Variants in TTN observed in about 807,000 individuals in gnomAD.
TTN encodes connectin.
A neutral mutation model predicts 3,223.0 loss-of-function variants in TTN; 1,525 were observed. The observed-to-expected ratio is 0.47, with a 90% CI of 0.45 to 0.49. The LOEUF (loss-of-function observed/expected upper bound fraction) is 0.49, where lower values mean the gene tolerates loss of function less well. Among genes scored for constraint, TTN ranks in the 20% least tolerant of loss-of-function variants. The pLI is 0.00. For missense variants in TTN, 40,786 were observed against 43,424.0 expected, an observed-to-expected ratio of 0.94 and a Z score of 5.40; for synonymous variants, 14,094 against 15,161.0, an observed-to-expected ratio of 0.93 and a Z score of 5.17.
chr2:178,626,700 G>A (rs1471368228), intron 240 of TTN, among the ~76,000 whole-genome samples: 1 of 151,860 alleles, frequency 6.6e-6, no homozygotes, highest in African/African-American at 2.4e-5. Flanking sequence ...TATGCCCTTG[G>A]AACAGAGCTA....
chr2:178,672,817 CTG>C, intron 152 of TTN, 114 bp from the exon 153 acceptor site: 2 of 811,506 alleles, frequency 2.5e-6, no homozygotes, highest in Non-Finnish European at 3.8e-6. Context: ...AGAAGTCACT[CTG>C]TACTGTGGGA....
intron 226 of TTN, 52 bp from the exon 227 acceptor site, chr2:178,635,767 A>G (rs1189542604): frequency 1.9e-6 from 3 of 1,541,312 alleles, no homozygotes; most frequent in African/African-American, 1.4e-5. Context: ...CAAGTAATAT[A>G]CATAGCTTCC....
rs779588814 is a variant in TTN at position 178,599,418 on chromosome 2, A to G, written c.56375T>C (p.Ile18792Thr). The G allele has an allele frequency of 1.3e-6, 2 of 1,554,374 alleles. No individual in the cohort carries two copies. The highest frequency in any genetic ancestry group is 2.3e-5 in the East Asian group (1 of 44,062). Residue 18792 changes from isoleucine (I) to threonine (T), a missense_variant, in exon 290 of 363, where the codon ATA becomes ACA. By Grantham distance (89) the Ile-to-Thr change is moderately conservative. Transcript: ENST00000589042. Reference protein sequence around the residue: ...LGRPGPPVGPIKFESVSADQM... With the variant: ...LGRPGPPVGPTKFESVSADQM... ...ATCTGCTGAAACAGATTCAAATTTT[A>G]TGGGTCCCACTGGAGGGCCAGGACG... is the stretch of plus-strand genomic sequence containing the variant.
chr2:178,546,994 G>C lies in TTN; in HGVS notation c.94522+9C>G. On this transcript the variant is annotated intron_variant, in intron 340 of 362. Coordinates refer to ENST00000589042, the MANE Select transcript of TTN (RefSeq NM_001267550.2). Reference sequence around the variant, plus strand: ...ATAAACAAATATGCCCTTAAATTGTGATACATACCAACTGGATTTTGAGCC... The same window carrying C: ...ATAAACAAATATGCCCTTAAATTGTCATACATACCAACTGGATTTTGAGCC... 1 of 1,604,144 alleles carries C rather than the reference G, an allele frequency of 6.2e-7. No homozygotes were observed. The highest frequency in any genetic ancestry group is 8.5e-7 in the Non-Finnish European group (1 of 1,173,700).
rs1363645240 is a variant in TTN, at chr2:178,553,416, A to G, written c.89504-20T>C. ...GTGCCTCTGTAGACATAAAATGGAT[A>G]CATACAGTGAATTTTAAAAGCAAAA... On this transcript the variant is annotated intron_variant, in intron 334 of 362. Transcript: ENST00000589042. 1.9e-6 allele frequency: 3 copies of G among 1,574,152 alleles called. No homozygotes were observed.
chr2:178,667,974 C>A (rs1161851486), intron 159 of TTN, among the ~76,000 whole-genome samples: 3 of 152,088 alleles, frequency 2.0e-5, no homozygotes, highest in Non-Finnish European at 2.9e-5. Flanking sequence ...TATAATTCTT[C>A]ATTTTGCCTT....
At chr2:178,750,657 G>T in intron 47 of TTN, 2 of 1,612,678 alleles carry the variant, frequency 1.2e-6, no homozygotes, top group Admixed American at 1.7e-5. Context: ...TCATCAATTC[G>T]TGTAGAAGCA....
chr2:178,745,587 A>C (rs757957164), intron 47 of TTN: 2 of 1,612,272 alleles, frequency 1.2e-6, no homozygotes, highest in Admixed American at 1.7e-5. Context: ...ATTACATTTT[A>C]AGTTAAGGTG....
Position 178,704,283 on chromosome 2 carries a change from T to C in TTN, c.30087A>G (p.Lys10029=). 1 of 1,613,874 alleles carries C rather than the reference T, an allele frequency of 6.2e-7. No homozygotes were observed. The highest frequency in any genetic ancestry group is 8.5e-7 in the Non-Finnish European group (1 of 1,179,862). The change falls in exon 106 of 363, where the codon AAA becomes AAG. Residue 10029 remains lysine (K), a synonymous_variant. Coordinates refer to ENST00000589042, the MANE Select transcript of TTN (RefSeq NM_001267550.2). ...CTTCTGTTTTATGTCTACCTTGGGG[T>C]TTAAGGATTCTGCCATTTCTGAACC... is the stretch of plus-strand genomic sequence containing the variant. ...SEWFRNGRIL[K]PQGRHKTEVE... is the part of the protein sequence containing the mutation.
At chr2:178,806,997 T>C (rs1303637218) in intron 1 of TTN, among the ~76,000 whole-genome samples, 1 of 152,206 alleles carries the variant, frequency 6.6e-6, no homozygotes, top group Non-Finnish European at 1.5e-5. Context: ...ATGGAATCAT[T>C]TAGCTGATAT....
chr2:178,715,328 A>C, intron 89 of TTN, 64 bp from the exon 90 acceptor site: 1 of 1,522,920 alleles, frequency 6.6e-7, no homozygotes, highest in African/African-American at 1.4e-5. Flanking sequence ...AGTAAGAATC[A>C]ATCTTCCACT....
chr2:178,667,652 G>C lies in TTN; in HGVS notation c.35615C>G (p.Pro11872Arg). 1 of 1,596,398 alleles carries C rather than the reference G, an allele frequency of 6.3e-7. No individual in the cohort carries two copies. Among genetic ancestry groups the C allele is most frequent in the Non-Finnish European group, 8.5e-7 (1 of 1,178,762 alleles). The change falls in exon 160 of 363, where the codon CCC becomes CGC. Residue 11872 changes from proline (P) to arginine (R), a missense_variant. Transcript: ENST00000589042. ...GTGTTATATACCTTTTGCTAGTTTG[G>C]GTTTTGTCTTTTGAGGTTGAGTCAC... is the stretch of plus-strand genomic sequence containing the variant. ...VLVTQPQKTK[P>R]KLAKVPEPPK...
Position 178,651,759 on chromosome 2 carries a change from T to C in TTN, c.39380-10A>G, listed in dbSNP as rs775118701. 2 of 1,612,366 alleles carry C rather than the reference T, an allele frequency of 1.2e-6. No homozygotes were observed. Among genetic ancestry groups the C allele is most frequent in the Admixed American group, 3.3e-5 (2 of 59,760 alleles). Reference sequence around the variant, plus strand: ...TTAGGTGGTACGGTCACTAAAGAATTAGAAGGTATGTTTTAGAAAGAACGA... The same window carrying C: ...TTAGGTGGTACGGTCACTAAAGAATCAGAAGGTATGTTTTAGAAAGAACGA... On this transcript the variant is annotated splice_polypyrimidine_tract_variant and intron_variant, in intron 205 of 362. Transcript: ENST00000589042.
At position 178,720,242 on chromosome 2, in the gene TTN, CT is replaced by C; in HGVS notation, c.23399del (p.Lys7800SerfsTer2). The C allele has an allele frequency of 6.2e-7, 1 of 1,610,740 alleles. No homozygotes were observed. The highest frequency in any genetic ancestry group is 8.5e-7 in the Non-Finnish European group (1 of 1,177,842). ...KFKEPPRFVK[K>X]LSDTSTLIGD... ...CAATAAGGGTTGAGGTGTCACTTAG[CT>C]TTTTCACGAATCGTGGAGGTTCTGA... On this transcript the variant is annotated frameshift_variant, in exon 81 of 363. Coordinates refer to ENST00000589042, the MANE Select transcript of TTN (RefSeq NM_001267550.2). LOFTEE classifies it high-confidence loss of function.
rs1452164843 is a variant in TTN at position 178,572,522 on chromosome 2, G to A, written c.73610C>T (p.Thr24537Ile). ...AAGGAGAGGTGGGTCCCATGTGAGT[G>A]TGACAGATGTCTTAGTGACCTCTTT... The part of the protein sequence containing the change: ...KVKEVTKTSV[T>I]LTWDPPLLDG... The change falls in exon 326 of 363, where the codon ACA becomes ATA. Residue 24537 changes from threonine to isoleucine, a missense_variant. Thr to Ile is a moderately conservative substitution (Grantham distance 89). Coordinates refer to ENST00000589042, the MANE Select transcript of TTN (RefSeq NM_001267550.2). The A allele has an allele frequency of 6.2e-7, 1 of 1,613,334 alleles. No homozygotes were observed. Among genetic ancestry groups the A allele is most frequent in the Non-Finnish European group, 8.5e-7 (1 of 1,179,612 alleles).
In TTN at chr2:178,538,930, C is replaced by T. The variant is rs1185435419; in HGVS notation, c.98989+16G>A. The T allele has an allele frequency of 1.3e-6, 2 of 1,596,398 alleles. No homozygotes were observed. The highest frequency in any genetic ancestry group is 2.3e-5 in the South Asian group (2 of 88,466). On this transcript the variant is annotated intron_variant, in intron 353 of 362. Coordinates refer to ENST00000589042, the MANE Select transcript of TTN (RefSeq NM_001267550.2). The stretch of plus-strand genomic sequence containing the variant: ...GCTTGCTTCTTTAATTTAACCCCTT[C>T]TTCTGAATTCCTTACCAAATGGATC...
In TTN at chr2:178,536,477, T is replaced by A. The variant is rs1264517895; in HGVS notation, c.100270A>T (p.Ile33424Phe). ...CGCTTCTCAAGGTAGTAATTTCTAATCTTTGCACCTCCATCACTGGCAGGT... is the reference window on the plus strand; with the variant it reads ...CGCTTCTCAAGGTAGTAATTTCTAAACTTTGCACCTCCATCACTGGCAGGT... ...KPPASDGGAK[I>F]RNYYLEKREK... Residue 33424 changes from isoleucine to phenylalanine, a missense_variant, in exon 357 of 363, where the codon ATT becomes TTT. By Grantham distance (21) the Ile-to-Phe change is conservative. Coordinates refer to ENST00000589042, the MANE Select transcript of TTN (RefSeq NM_001267550.2). The A allele has an allele frequency of 5.0e-6, 8 of 1,585,852 alleles. No individual in the cohort carries two copies. The South Asian group carries it at 9.4e-5, about 19-fold the overall frequency.
At chr2:178,683,655 A>G (rs1400397849) in intron 133 of TTN, among the ~76,000 whole-genome samples, 1 of 152,008 alleles carries the variant, frequency 6.6e-6, no homozygotes, top group Admixed American at 6.6e-5. Flanking sequence ...TATTGGTACA[A>G]TGTAGAAAAT....
chr2:178,720,314 A>T, intron 80 of TTN, 50 bp from the exon 81 acceptor site: 1 of 1,593,646 alleles, frequency 6.3e-7, no homozygotes. Context: ...AATCATGGCC[A>T]CACAAGTTAT....
Sources: allele counts gnomAD v4.1 joint callset (sites outside exome capture counted in the v4.1 genomes callset), GRCh38; gene constraint gnomAD v4.1.1; transcripts MANE v1.5; gene names NCBI Gene and HGNC (gene_info 2026-07-23, HGNC 2026-07-21).